The following GDE1 variants were observed in gnomAD, a reference collection of about 807,000 sequenced individuals.
GDE1 encodes glycerophosphodiester phosphodiesterase 1.
Under a neutral mutation model 32.2 loss-of-function variants are expected in GDE1, and 24 were observed. The observed-to-expected ratio is 0.75, with a 90% CI of 0.54 to 1.05. The LOEUF is 1.05. Ranked by LOEUF, GDE1 falls within the 50% of genes least tolerant of loss-of-function variation. The pLI is 0.00. For synonymous variants in GDE1, 159 were observed against 158.6 expected, an observed-to-expected ratio of 1.00 and a Z score of -0.02; for missense variants, 380 against 415.0, an observed-to-expected ratio of 0.92 and a Z score of 0.73.
At position 19,502,636 on chromosome 16, in the gene GDE1, C is replaced by T. The variant is rs542703368; in HGVS notation, c.*834G>A. On this transcript the variant is annotated 3_prime_UTR_variant, in exon 6 of 6. Coordinates refer to ENST00000353258, the MANE Select transcript of GDE1 (RefSeq NM_016641.4). ...CAGCTTTCTGAATTGCTGGGATTAT[C>T]GGCATGAGCCACTGTGCCCAGCTAA... is the stretch of plus-strand genomic sequence containing the variant. The T allele has an allele frequency of 7.4e-4, 112 of 152,094 alleles. No homozygotes were observed. The highest frequency in any genetic ancestry group is 1.4e-3 in the Non-Finnish European group (94 of 68,042). The allele number at this position is 152,094 out of a possible 1,614,324, so 9.4% of individuals were successfully genotyped here. A position where few individuals can be genotyped will look rare whatever the true frequency, so the allele number is the denominator to read the frequency against.
rs372112650 is a variant in GDE1 at position 19,503,451 on chromosome 16, T to G, written c.*19A>C. The G allele has an allele frequency of 6.2e-7, 1 of 1,611,700 alleles. No individual in the cohort carries two copies. Among genetic ancestry groups the G allele is most frequent in the Non-Finnish European group, 8.5e-7 (1 of 1,178,540 alleles). On this transcript the variant is annotated 3_prime_UTR_variant, in exon 6 of 6. Transcript: ENST00000353258. ...GGCCCCTGGCAGTTTCTGAACCCGTTTCGTCCCACCGTGAAAGTCTAGAAG... is the reference window on the plus strand; with the variant it reads ...GGCCCCTGGCAGTTTCTGAACCCGTGTCGTCCCACCGTGAAAGTCTAGAAG...
At chr16:19,517,737 G>T (rs928672003) in intron 1 of GDE1, among the ~76,000 whole-genome samples, 6 of 152,178 alleles carry the variant, frequency 3.9e-5, no homozygotes, top group African/African-American at 1.4e-4. Context: ...TGTTAAGCTT[G>T]ATGAGGTAGA....
In GDE1 at chr16:19,504,685, G is replaced by C. The variant is rs549627889; in HGVS notation, c.848+196C>G. The C allele has an allele frequency of 8.4e-4, 453 of 537,138 alleles. 1 individual carries two copies. The highest frequency in any genetic ancestry group is 5.8e-3 in the African/African-American group (304 of 52,612). The allele number at this position is 537,138 out of a possible 1,614,324, so 33.3% of individuals were successfully genotyped here. A position where few individuals can be genotyped will look rare whatever the true frequency, so the allele number is the denominator to read the frequency against. ...ATACACTAAAAAACCGAAAATATGTGATCGACTCGGTCTGAAAACAGTGAA... is the reference window on the plus strand; with the variant it reads ...ATACACTAAAAAACCGAAAATATGTCATCGACTCGGTCTGAAAACAGTGAA... On this transcript the variant is annotated intron_variant, in intron 5 of 5. Coordinates refer to ENST00000353258, the MANE Select transcript of GDE1 (RefSeq NM_016641.4).
chr16:19,510,783 C>T lies in GDE1; in HGVS notation c.543+56G>A, dbSNP rs115982182. On this transcript the variant is annotated intron_variant, in intron 3 of 5. Transcript: ENST00000353258. ...AAATATATGTAACTTCGGAAATGAC[C>T]GTCAATGAAATAAGATGTCTTTTTA... 1,242 of 738,108 alleles carry T rather than the reference C, an allele frequency of 1.7e-3. 12 individuals carry two copies. The African/African-American group carries it at 0.018, about 11-fold the overall frequency. 45.7% of individuals were successfully genotyped at this position (738,108 alleles called of 1,614,324 possible).
chr16:19,519,775 G>C (rs1795799636), intron 1 of GDE1, among the ~76,000 whole-genome samples: 1 of 152,126 alleles, frequency 6.6e-6, no homozygotes, highest in Admixed American at 6.5e-5. Context: ...AATCCACTGA[G>C]GCAGGTGGAT....
intron 4 of GDE1, among the ~76,000 whole-genome samples, chr16:19,506,813 C>T (rs1451101110): frequency 6.6e-6 from 1 of 151,976 alleles, no homozygotes; most frequent in African/African-American, 2.4e-5. Context: ...TTAGATGGGA[C>T]AATGGCATTG....
chr16:19,507,683 T>G lies in GDE1; in HGVS notation c.636+4A>C. ...ATATGTACAAGAAAAATCCCGAATG[T>G]TACCTTGTAGATAACTTCTGGCAAG... On this transcript the variant is annotated splice_donor_region_variant and intron_variant, in intron 4 of 5. Transcript: ENST00000353258. 1.4e-6 allele frequency: 2 copies of G among 1,458,156 alleles called. No individual in the cohort carries two copies. Among genetic ancestry groups the G allele is most frequent in the Non-Finnish European group, 1.9e-6 (2 of 1,037,854 alleles). The allele number at this position is 1,458,156 out of a possible 1,614,324, so 90.3% of individuals were successfully genotyped here. A position where few individuals can be genotyped will look rare whatever the true frequency, so the allele number is the denominator to read the frequency against.
chr16:19,521,579 A>C, intron 1 of GDE1, 125 bp downstream of exon 1: 1 of 1,048,080 alleles, frequency 9.5e-7, no homozygotes, highest in Non-Finnish European at 1.4e-6. Flanking sequence ...AAGGGCCGGG[A>C]GTGTGCCTTG....
intron 3 of GDE1, among the ~76,000 whole-genome samples, chr16:19,508,290 A>G (rs920589655): frequency 1.2e-4 from 18 of 152,158 alleles, no homozygotes; most frequent in African/African-American, 4.3e-4. Context: ...AGGGACTGGG[A>G]AGAGTTAAGG....
intron 2 of GDE1, among the ~76,000 whole-genome samples, chr16:19,515,066 C>A (rs1484754096): frequency 1.3e-3 from 151 of 113,172 alleles, no homozygotes; most frequent in Middle Eastern, 4.5e-3. Context: ...AACTCCAACT[C>A]AAAAAAAAAA....
intron 4 of GDE1, among the ~76,000 whole-genome samples, chr16:19,507,141 A>AAAATAAATAAAT (rs79540258): frequency 2.9e-4 from 42 of 143,480 alleles, no homozygotes; most frequent in Admixed American, 1.1e-3. Context: ...CCCGTCTTTT[A>AAAATAAATAAAT]AAATAAATAA....
At chr16:19,509,264 T>C (rs1969286918) in intron 3 of GDE1, among the ~76,000 whole-genome samples, 1 of 152,096 alleles carries the variant, frequency 6.6e-6, no homozygotes, top group Non-Finnish European at 1.5e-5. Context: ...ATCGCGCCAA[T>C]GCACTCCAGC....
At chr16:19,505,113 G>A (rs1362208279) in intron 4 of GDE1, 21 bp from the exon 5 acceptor site, 1 of 1,466,832 alleles carries the variant, frequency 6.8e-7, no homozygotes, top group South Asian at 1.1e-5. Flanking sequence ...ATTTGGGGAA[G>A]TAAAATAATG....
At position 19,506,947 on chromosome 16, in the gene GDE1, A is replaced by G. The variant is rs543772275; in HGVS notation, c.636+740T>C. 9.2e-5 allele frequency among the ~76,000 whole-genome samples: 14 copies of G among 152,104 alleles called. No homozygotes were observed. The South Asian group carries it at 1.9e-3, about 20-fold the overall frequency. On this transcript the variant is annotated intron_variant, in intron 4 of 5. Coordinates refer to ENST00000353258, the MANE Select transcript of GDE1 (RefSeq NM_016641.4). ...TTAGGAGTTGGAGAACTGCCTGGGTAATACAGGGAGACCCTGTCTCTACAA... is the reference window on the plus strand; with the variant it reads ...TTAGGAGTTGGAGAACTGCCTGGGTGATACAGGGAGACCCTGTCTCTACAA...
At chr16:19,507,608 C>G (rs774144953) in intron 4 of GDE1, 79 bp downstream of exon 4, 2 of 774,438 alleles carry the variant, frequency 2.6e-6, no homozygotes, top group Non-Finnish European at 4.7e-6. Context: ...TAATAGGCAT[C>G]TATCCTGTGC....
rs1477557922 is a variant in GDE1 at position 19,503,528 on chromosome 16, T to C, written c.938A>G (p.His313Arg). ...GTCAGTGATATAGCTGGAACCAAGA[T>C]GGGATTCGTAGTAACTCTTTTCATC... ...TFDEKSYYESHLGSSYITDSM... is the reference protein window; with the variant it reads ...TFDEKSYYESRLGSSYITDSM... The change falls in exon 6 of 6, where the codon CAT (histidine) becomes CGT (arginine). Residue 313 changes from histidine to arginine, a missense_variant. Transcript: ENST00000353258. 3 of 1,613,470 alleles carry C rather than the reference T, an allele frequency of 1.9e-6. No homozygotes were observed. The highest frequency in any genetic ancestry group is 2.5e-6 in the Non-Finnish European group (3 of 1,179,566).
chr16:19,507,700 T>A lies in GDE1; in HGVS notation c.623A>T (p.Glu208Val). ...NNSVVCSFLP[E>V]VIYKMRQTDR... ...CCCGAATGTTACCTTGTAGATAACT[T>A]CTGGCAAGAAAGAACAGACCACACT... The change falls in exon 4 of 6, where the codon GAA (glutamate) becomes GTA (valine). Residue 208 changes from glutamate (E) to valine (V), a missense_variant. By Grantham distance (121) the Glu-to-Val change is moderately radical. Transcript: ENST00000353258. The A allele has an allele frequency of 1.9e-6, 3 of 1,552,694 alleles. No individual in the cohort carries two copies. Among genetic ancestry groups the A allele is most frequent in the Non-Finnish European group, 2.7e-6 (3 of 1,124,058 alleles).
In GDE1 at chr16:19,510,901, C is replaced by T; in HGVS notation, c.481G>A (p.Val161Ile). Residue 161 changes from valine to isoleucine, a missense_variant, in exon 3 of 6, where the codon GTT becomes ATT. Physicochemically the swap from Val to Ile is conservative, Grantham distance 29 (BLOSUM62 3). Transcript: ENST00000353258. ...DEKIPTLREA[V>I]AECLNHNLTI... Reference sequence around the variant, plus strand: ...AGGTTATGGTTTAGGCACTCTGCAACAGCTTCCCTTAGGGTAGGGATCTTT... The same window carrying T: ...AGGTTATGGTTTAGGCACTCTGCAATAGCTTCCCTTAGGGTAGGGATCTTT... The T allele has an allele frequency of 6.2e-7, 1 of 1,603,328 alleles. No individual in the cohort carries two copies. The highest frequency in any genetic ancestry group is 8.5e-7 in the Non-Finnish European group (1 of 1,172,390).
rs923544211 is a variant in GDE1, at chr16:19,505,973, T to C, written c.637-881A>G. On this transcript the variant is annotated intron_variant, in intron 4 of 5. Transcript: ENST00000353258. ...CTATTTCAGCTAATGCAAGAAGTAA[T>C]AGAATTAAAATATCAGCATTTTGTA... is the stretch of plus-strand genomic sequence containing the variant. 4.6e-5 allele frequency among the ~76,000 whole-genome samples: 7 copies of C among 152,286 alleles called. No homozygotes were observed. In the South Asian group the frequency reaches 8.3e-4, roughly 18 times the overall value.
Sources: allele counts gnomAD v4.1 joint callset (sites outside exome capture counted in the v4.1 genomes callset), GRCh38; gene constraint gnomAD v4.1.1; transcripts MANE v1.5; gene names NCBI Gene and HGNC (gene_info 2026-07-23, HGNC 2026-07-21).